The following SEPTIN9 variants were observed in gnomAD, a reference collection of about 807,000 sequenced individuals.
SEPTIN9 encodes septin-9.
In SEPTIN9, 13 loss-of-function variants were observed where a neutral mutation model predicts 56.6. The observed-to-expected ratio is 0.23, with a 90% CI of 0.15 to 0.37. The LOEUF (loss-of-function observed/expected upper bound fraction) is 0.37, where lower values mean the gene tolerates loss of function less well. SEPTIN9 is among the 10% of genes least tolerant of loss of function. SEPTIN9 has a pLI of 1.00. For synonymous variants in SEPTIN9, 332 were observed against 334.1 expected, an observed-to-expected ratio of 0.99 and a Z score of 0.07; for missense variants, 650 against 823.1, an observed-to-expected ratio of 0.79 and a Z score of 2.57.
At chr17:77,386,234 C>T (rs1214684438) in intron 2 of SEPTIN9, among the ~76,000 whole-genome samples, 1 of 152,176 alleles carries the variant, frequency 6.6e-6, no homozygotes, top group Non-Finnish European at 1.5e-5. Flanking sequence ...CTCCTGCCCC[C>T]ACCCCTCCTG....
intron 2 of SEPTIN9, among the ~76,000 whole-genome samples, chr17:77,368,055 G>A (rs1039924886): frequency 1.1e-4 from 17 of 152,144 alleles, no homozygotes; most frequent in African/African-American, 3.6e-4. Context: ...CTCATGCTAC[G>A]TAAGCCTGTC....
At position 77,371,224 on chromosome 17, in the gene SEPTIN9, T is replaced by C. The variant is rs995119000; in HGVS notation, c.77-30835T>C. 7.9e-5 allele frequency among the ~76,000 whole-genome samples: 12 copies of C among 152,148 alleles called. No homozygotes were observed. Among genetic ancestry groups the C allele is most frequent in the African/African-American group, 2.9e-4 (12 of 41,434 alleles). On this transcript the variant is annotated intron_variant, in intron 2 of 11. Coordinates refer to ENST00000427177, the MANE Select transcript of SEPTIN9 (RefSeq NM_001113491.2). This position sits in a 1 kb window ranked among gnomAD's most constrained non-coding sequence, Gnocchi z 4.1. ...GGGCAGTGGCTGGGGCTGGAGCCGG[T>C]GGGCTCTGAGCACAGTCACGAAGGC...
chr17:77,299,893 A>G (rs2031961582), intron 1 of SEPTIN9, among the ~76,000 whole-genome samples: 1 of 152,148 alleles, frequency 6.6e-6, no homozygotes, highest in Admixed American at 6.5e-5. Flanking sequence ...GGCGGCCTCC[A>G]TGGGCCTTCT....
intron 3 of SEPTIN9, chr17:77,466,356 T>C (rs945353658): frequency 2.0e-6 from 2 of 977,780 alleles, no homozygotes; most frequent in Non-Finnish European, 2.4e-6. Flanking sequence ...CCTCCCAGCC[T>C]TGGGAGAAAT....
chr17:77,285,672 C>T (rs9891329), intron 1 of SEPTIN9, among the ~76,000 whole-genome samples: 55,945 of 151,532 alleles, frequency 0.37, 11,856 homozygotes, highest in African/African-American at 0.6. Context: ...GTGCTGGGAT[C>T]ACAGGCATGA....
intron 8 of SEPTIN9, among the ~76,000 whole-genome samples, chr17:77,491,947 A>G (rs1328031785): frequency 6.6e-6 from 1 of 151,910 alleles, no homozygotes; most frequent in African/African-American, 2.4e-5. Context: ...CTGACAGGGC[A>G]GCACATCAGA....
rs1416073197 is a variant in SEPTIN9, at chr17:77,499,490, A to G, written c.*832A>G. On this transcript the variant is annotated 3_prime_UTR_variant, in exon 12 of 12. Transcript: ENST00000427177. The stretch of plus-strand genomic sequence containing the variant: ...ACCCCCTCATCCCCCAGTTTTGAAA[A>G]GGTCTAAGCAAGTGAGTCTGGTGGA... The G allele has an allele frequency of 4.1e-6, 2 of 493,366 alleles. No homozygotes were observed. The highest frequency in any genetic ancestry group is 7.9e-6 in the Non-Finnish European group (2 of 253,238). 30.6% of individuals were successfully genotyped at this position (493,366 alleles called of 1,614,324 possible). A position where few individuals can be genotyped will look rare whatever the true frequency, so the allele number is the denominator to read the frequency against.
chr17:77,466,944 G>A (rs966820827), intron 3 of SEPTIN9, among the ~76,000 whole-genome samples: 7 of 152,130 alleles, frequency 4.6e-5, no homozygotes, highest in South Asian at 2.1e-4. Flanking sequence ...TTTAGTGCTC[G>A]GCTGGGCTCT....
In SEPTIN9 at chr17:77,450,772, G is replaced by C; in HGVS notation, c.722-31372G>C. On this transcript the variant is annotated intron_variant, in intron 3 of 11. Transcript: ENST00000427177. The surrounding 1 kb of genome is among the most constrained non-coding windows in gnomAD (Gnocchi z 6.0). ...TCAGATCTGAATCCAGAGGCTCTCGGAGGAAGAGCTCAGGGTGAGCTGCGC... is the reference window on the plus strand; with the variant it reads ...TCAGATCTGAATCCAGAGGCTCTCGCAGGAAGAGCTCAGGGTGAGCTGCGC... The C allele has an allele frequency of 2.0e-6, 2 of 986,148 alleles. No homozygotes were observed. Among genetic ancestry groups the C allele is most frequent in the Non-Finnish European group, 2.4e-6 (2 of 830,540 alleles). The allele number at this position is 986,148 out of a possible 1,614,324, so 61.1% of individuals were successfully genotyped here.
Position 77,319,551 on chromosome 17 carries a change from G to A in SEPTIN9, c.76+12354G>A. On this transcript the variant is annotated intron_variant, in intron 2 of 11. Transcript: ENST00000427177. This position sits in a 1 kb window ranked among gnomAD's most constrained non-coding sequence, Gnocchi z 5.3. ...CTGCAGACTAATGGGACGGAGGGGG[G>A]TGACTTCTCAGGGTTCCTCCTGGGC... 1 of 1,053,598 alleles carries A rather than the reference G, an allele frequency of 9.5e-7. No individual in the cohort carries two copies. Among genetic ancestry groups the A allele is most frequent in the Admixed American group, 5.5e-5 (1 of 18,294 alleles). The allele number at this position is 1,053,598 out of a possible 1,614,324, so 65.3% of individuals were successfully genotyped here. A position where few individuals can be genotyped will look rare whatever the true frequency, so the allele number is the denominator to read the frequency against.
chr17:77,333,166 G>A (rs969858919), intron 2 of SEPTIN9, among the ~76,000 whole-genome samples: 1 of 152,218 alleles, frequency 6.6e-6, no homozygotes, highest in African/African-American at 2.4e-5. Context: ...TGGTGGGCGT[G>A]TAGTGGTATC....
intron 2 of SEPTIN9, among the ~76,000 whole-genome samples, chr17:77,381,850 C>T (rs577510969): frequency 1.3e-5 from 2 of 152,206 alleles, no homozygotes; most frequent in Admixed American, 1.3e-4. Flanking sequence ...TCCATGGGTA[C>T]CCCAAGGGCC....
chr17:77,387,508 T>G (rs2035378581), intron 2 of SEPTIN9, among the ~76,000 whole-genome samples: 1 of 152,290 alleles, frequency 6.6e-6, no homozygotes, highest in South Asian at 2.1e-4. Flanking sequence ...CTGCGGCAGC[T>G]GATCTTAGGG....
At chr17:77,281,593 C>T (rs879115515) in intron 1 of SEPTIN9, 39 bp downstream of exon 1, 13 of 1,528,894 alleles carry the variant, frequency 8.5e-6, no homozygotes, top group Admixed American at 8.0e-5. Flanking sequence ...GTCGGTGTCC[C>T]GGGACCAGCG....
chr17:77,283,483 G>A (rs1314786283), intron 1 of SEPTIN9, among the ~76,000 whole-genome samples: 3 of 149,372 alleles, frequency 2.0e-5, no homozygotes, highest in African/African-American at 4.9e-5. Context: ...GCCCTTTTCC[G>A]GGTACGGGCA....
rs916920533 is a variant in SEPTIN9 at position 77,346,176 on chromosome 17, A to G, written c.76+38979A>G. The stretch of plus-strand genomic sequence containing the variant: ...AGGCTGGTCTTGAACTCCTGATCTC[A>G]GGTGATCCACCTGCCTTGGCCTCCC... On this transcript the variant is annotated intron_variant, in intron 2 of 11. Transcript: ENST00000427177. Among the ~76,000 whole-genome samples, 9 of 149,640 alleles carry G rather than the reference A, an allele frequency of 6.0e-5. No individual in the cohort carries two copies. In the East Asian group the frequency reaches 1.6e-3, roughly 27 times the overall value.
At chr17:77,495,741 C>T (rs1366250146) in intron 10 of SEPTIN9, among the ~76,000 whole-genome samples, 1 of 152,198 alleles carries the variant, frequency 6.6e-6, no homozygotes, top group African/African-American at 2.4e-5. Flanking sequence ...AGTGTGGACA[C>T]CGCCCTACAC....
intron 3 of SEPTIN9, among the ~76,000 whole-genome samples, chr17:77,439,474 T>G (rs907207593): frequency 6.6e-6 from 1 of 152,108 alleles, no homozygotes; most frequent in African/African-American, 2.4e-5. Flanking sequence ...TGCAGGCATA[T>G]CCGGCAGCCC....
At chr17:77,392,904 C>T (rs968439174) in intron 2 of SEPTIN9, among the ~76,000 whole-genome samples, 4 of 152,112 alleles carry the variant, frequency 2.6e-5, no homozygotes, top group East Asian at 1.9e-4. Context: ...AGCTTCACTG[C>T]GCCTATTTTT....
Sources: allele counts gnomAD v4.1 joint callset (sites outside exome capture counted in the v4.1 genomes callset), GRCh38; gene constraint gnomAD v4.1.1; non-coding constraint Gnocchi (gnomAD v3.1); transcripts MANE v1.5; gene names NCBI Gene and HGNC (gene_info 2026-07-23, HGNC 2026-07-21).